Variants in CLPTM1L observed in about 807,000 individuals in gnomAD.
CLPTM1L encodes lipid scramblase CLPTM1L.
CLPTM1L carries 38 observed loss-of-function variants against 70.9 expected under a neutral mutation model. The ratio of observed to expected loss-of-function variants is 0.54; its 90% CI spans 0.41 to 0.70. The LOEUF (loss-of-function observed/expected upper bound fraction) is 0.70, where lower values mean the gene tolerates loss of function less well. Ranked by LOEUF, CLPTM1L falls within the 30% of genes least tolerant of loss-of-function variation. The pLI is 0.00. For missense variants in CLPTM1L, 652 were observed against 705.9 expected (o/e 0.92, Z 0.87); for synonymous variants, 339 against 299.9 (o/e 1.13, Z -1.35).
Position 1,329,701 on chromosome 5 carries a change from GGCCTCAGGACTCTCTGCTTGGTGGACAGA to G in CLPTM1L, c.1080+550_1080+578del, listed in dbSNP as rs1561238921. Reference sequence around the variant, plus strand: ...TCAGGACTCTCTGCCTGGTGGACAGGGCCTCAGGACTCTCTGCTTGGTGGACAGAGCCTCAGGACTCTCTGCCTGGTGGA... The same window carrying G: ...TCAGGACTCTCTGCCTGGTGGACAGGGCCTCAGGACTCTCTGCCTGGTGGA... On this transcript the variant is annotated intron_variant, in intron 9 of 16. Transcript: ENST00000320895. Among the ~76,000 whole-genome samples the G allele has an allele frequency of 2.7e-4, 12 of 44,298 alleles. 1 individual carries two copies. Among genetic ancestry groups the G allele is most frequent in the African/African-American group, 1.1e-3 (11 of 10,324 alleles). 29.1% of individuals were successfully genotyped at this position (44,298 alleles called of 152,430 possible). A position where few individuals can be genotyped will look rare whatever the true frequency, so the allele number is the denominator to read the frequency against.
intron 3 of CLPTM1L, among the ~76,000 whole-genome samples, chr5:1,339,418 C>T: frequency 7.3e-6 from 1 of 137,872 alleles, no homozygotes; most frequent in Non-Finnish European, 1.6e-5. Flanking sequence ...AGAGAACGGC[C>T]ACACAGACGG....
In CLPTM1L at chr5:1,338,934, C is replaced by T. The variant is rs546832595; in HGVS notation, c.525G>A (p.Ala175=). The T allele has an allele frequency of 1.5e-5, 25 of 1,613,332 alleles. No homozygotes were observed. The highest frequency in any genetic ancestry group is 1.3e-4 in the African/African-American group (10 of 75,076). ...CAAAGTTGTCCGCCATCACGTTCAG[C>T]GCCAGCCGCGGTCGCCAGTGGGACA... is the stretch of plus-strand genomic sequence containing the variant. ...EPVSHWRPRL[A]LNVMADNFVF... Residue 175 remains alanine, a synonymous_variant, in exon 4 of 17, where the codon GCG becomes GCA. Coordinates refer to ENST00000320895, the MANE Select transcript of CLPTM1L (RefSeq NM_030782.5).
intron 5 of CLPTM1L, among the ~76,000 whole-genome samples, chr5:1,336,049 G>C (rs1254704410): frequency 6.6e-6 from 1 of 152,250 alleles, no homozygotes; most frequent in Non-Finnish European, 1.5e-5. Flanking sequence ...GGTGGAATCA[G>C]AGCCACAACC....
At chr5:1,330,449 C>A in intron 8 of CLPTM1L, 66 bp from the exon 9 acceptor site, 1 of 1,324,184 alleles carries the variant, frequency 7.6e-7, no homozygotes, top group Non-Finnish European at 1.1e-6. Context: ...CCCCAAGTCA[C>A]ACACATACCC....
Position 1,318,360 on chromosome 5 carries a change from G to A in CLPTM1L, c.*9C>T, listed in dbSNP as rs200156301. 1.2e-4 allele frequency: 195 copies of A among 1,611,232 alleles called. No individual in the cohort carries two copies. The African/African-American group carries it at 1.5e-3, about 12-fold the overall frequency. On this transcript the variant is annotated 3_prime_UTR_variant, in exon 17 of 17. Coordinates refer to ENST00000320895, the MANE Select transcript of CLPTM1L (RefSeq NM_030782.5). This position sits in a 1 kb window ranked among gnomAD's most constrained non-coding sequence, Gnocchi z 8.9. ...AGTTGCACTTGGCTGGCGGCAGCCCGGGCGGCCTTCAGTCCGTGTGGGGCG... is the reference window on the plus strand; with the variant it reads ...AGTTGCACTTGGCTGGCGGCAGCCCAGGCGGCCTTCAGTCCGTGTGGGGCG...
chr5:1,321,771 T>C lies in CLPTM1L; in HGVS notation c.1364A>G (p.Asn455Ser). Residue 455 changes from asparagine (N) to serine (S), a missense_variant, in exon 14 of 17, where the codon AAC becomes AGC. Asn to Ser is a conservative substitution (Grantham distance 46, BLOSUM62 1). Transcript: ENST00000320895. ...CAGCACACACCGCCTTACCTTGTAG[T>C]TCACAAAGAGCTGGGGCAGCATGAA... Reference protein sequence around the residue: ...FLFMLPQLFVNYKLKSVAHLP... With the variant: ...FLFMLPQLFVSYKLKSVAHLP... 1 of 1,613,942 alleles carries C rather than the reference T, an allele frequency of 6.2e-7. No homozygotes were observed. Among genetic ancestry groups the C allele is most frequent in the Non-Finnish European group, 8.5e-7 (1 of 1,179,944 alleles).
At chr5:1,344,605 G>A in intron 1 of CLPTM1L, 75 bp downstream of exon 1, 1 of 1,500,986 alleles carries the variant, frequency 6.7e-7, no homozygotes. Flanking sequence ...AACTGGGACG[G>A]GAAGGCGACG....
intron 3 of CLPTM1L, among the ~76,000 whole-genome samples, 192 bp from the exon 4 acceptor site, chr5:1,339,197 T>TCAG (rs1379037597): frequency 4.7e-4 from 65 of 139,554 alleles, no homozygotes; most frequent in Non-Finnish European, 8.8e-4. Context: ...GACAGCAGGG[T>TCAG]CAGCACCCTA....
chr5:1,337,473 C>G (rs1162531645), intron 5 of CLPTM1L, among the ~76,000 whole-genome samples: 1 of 152,232 alleles, frequency 6.6e-6, no homozygotes, highest in Non-Finnish European at 1.5e-5. Context: ...GGGCTGTCAC[C>G]CGCTCCTCTG....
chr5:1,324,078 C>A, intron 11 of CLPTM1L: 7 of 569,656 alleles, frequency 1.2e-5, no homozygotes, highest in Non-Finnish European at 2.2e-5. Flanking sequence ...CGCCAGAGCC[C>A]GGGTGTAACT....
At chr5:1,325,374 G>A (rs1469819456) in intron 10 of CLPTM1L, 2 of 286,748 alleles carry the variant, frequency 7.0e-6, no homozygotes, top group African/African-American at 2.1e-5. Flanking sequence ...ACCAGCTCAG[G>A]GCAGGGGCTC....
intron 4 of CLPTM1L, 97 bp downstream of exon 4, chr5:1,338,763 G>C: frequency 1.4e-6 from 2 of 1,435,678 alleles, no homozygotes; most frequent in South Asian, 1.2e-5. Flanking sequence ...CCCCACAGAG[G>C]GGACTCCACG....
chr5:1,336,132 AT>A (rs1473459831), intron 5 of CLPTM1L, among the ~76,000 whole-genome samples: 2 of 152,294 alleles, frequency 1.3e-5, no homozygotes, highest in Admixed American at 1.3e-4. Flanking sequence ...GTGCACATGG[AT>A]GGTGGCCTCC....
chr5:1,331,704 T>C (rs1753102864), intron 8 of CLPTM1L, 95 bp downstream of exon 8: 6 of 1,065,476 alleles, frequency 5.6e-6, no homozygotes, highest in Non-Finnish European at 8.6e-6. Context: ...GGGCTGTGTC[T>C]GCAGCCAGCA....
intron 3 of CLPTM1L, among the ~76,000 whole-genome samples, chr5:1,340,771 T>C (rs137983967): frequency 6.6e-6 from 1 of 152,340 alleles, no homozygotes; most frequent in East Asian, 1.9e-4. Context: ...CCTGGAAAGC[T>C]GCCATCTTTC....
intron 13 of CLPTM1L, 66 bp from the exon 14 acceptor site, chr5:1,321,885 G>A (rs1441661521): frequency 2.0e-6 from 3 of 1,478,354 alleles, no homozygotes; most frequent in Non-Finnish European, 2.8e-6. Context: ...CGCACAGACG[G>A]CACTCACGAG....
chr5:1,325,146 C>T (rs1752439391), intron 10 of CLPTM1L: 2 of 394,622 alleles, frequency 5.1e-6, no homozygotes, highest in East Asian at 4.4e-5. Flanking sequence ...TCCGAACCAG[C>T]CGGCCGGGAG....
chr5:1,329,024 C>T (rs1384907324), intron 9 of CLPTM1L, among the ~76,000 whole-genome samples: 2 of 151,790 alleles, frequency 1.3e-5, no homozygotes, highest in Admixed American at 6.6e-5. Flanking sequence ...CCTCTACAGG[C>T]ATGACGGCCG....
In CLPTM1L at chr5:1,344,348, T is replaced by C. The variant is rs1403816510; in HGVS notation, c.263+3A>G. 6.2e-7 allele frequency: 1 copy of C among 1,603,782 alleles called. No individual in the cohort carries two copies. Among genetic ancestry groups the C allele is most frequent in the Non-Finnish European group, 8.5e-7 (1 of 1,170,618 alleles). ...TCACTGGCATTTTGTCCTACGCCCATACCTTTCAAATTTGGACTCCACATC... is the reference window on the plus strand; with the variant it reads ...TCACTGGCATTTTGTCCTACGCCCACACCTTTCAAATTTGGACTCCACATC... On this transcript the variant is annotated splice_donor_region_variant and intron_variant, in intron 2 of 16. Coordinates refer to ENST00000320895, the MANE Select transcript of CLPTM1L (RefSeq NM_030782.5).
Sources: allele counts gnomAD v4.1 joint callset (sites outside exome capture counted in the v4.1 genomes callset), GRCh38; gene constraint gnomAD v4.1.1; non-coding constraint Gnocchi (gnomAD v3.1); transcripts MANE v1.5; gene names NCBI Gene and HGNC (gene_info 2026-07-23, HGNC 2026-07-21).